MACROD2: variants seen among roughly 807,000 people sequenced by gnomAD.
MACROD2 encodes the protein mono-ADP ribosylhydrolase 2.
MACROD2 carries 36 observed loss-of-function variants against 70.4 expected under a neutral mutation model. That is an observed-to-expected ratio of 0.51 (90% confidence interval 0.39 to 0.68). The LOEUF (loss-of-function observed/expected upper bound fraction) is 0.68, where lower values mean the gene tolerates loss of function less well. MACROD2 is among the 30% of genes least tolerant of loss of function. The probability of loss-of-function intolerance (pLI) is 0.00; values close to 1 mark genes in which losing one functional copy is unlikely to be tolerated. For missense variants in MACROD2, 496 were observed against 538.4 expected, an observed-to-expected ratio of 0.92 and a Z score of 0.78; for synonymous variants, 172 against 178.8, an observed-to-expected ratio of 0.96 and a Z score of 0.30.
chr20:15,559,545 ACC>A (rs1386805909), intron 8 of MACROD2, among the ~76,000 whole-genome samples: 2 of 152,198 alleles, frequency 1.3e-5, no homozygotes, highest in Non-Finnish European at 2.9e-5. Context: ...ACTTCTGTCA[ACC>A]CTTGGAAGAA....
intron 8 of MACROD2, among the ~76,000 whole-genome samples, chr20:15,760,150 G>A (rs1347909516): frequency 1.3e-5 from 2 of 152,124 alleles, no homozygotes; most frequent in Non-Finnish European, 2.9e-5. Flanking sequence ...GGACCTCAGG[G>A]TCATATCTGA....
intron 4 of MACROD2, among the ~76,000 whole-genome samples, chr20:14,609,398 A>G (rs1005052884): frequency 4.6e-5 from 7 of 152,026 alleles, no homozygotes; most frequent in African/African-American, 1.7e-4. Context: ...CCACTTACTG[A>G]GGAGGGGAAG....
intron 5 of MACROD2, among the ~76,000 whole-genome samples, chr20:14,896,796 C>T (rs2073835472): frequency 6.6e-6 from 1 of 152,092 alleles, no homozygotes; most frequent in Non-Finnish European, 1.5e-5. Flanking sequence ...AATGCCAGTC[C>T]ACATGATGAA....
intron 3 of MACROD2, among the ~76,000 whole-genome samples, chr20:14,414,525 T>G: frequency 6.6e-6 from 1 of 152,232 alleles, no homozygotes; most frequent in East Asian, 1.9e-4. Flanking sequence ...CATTCCCAAT[T>G]ATGTAGTGCA....
intron 5 of MACROD2, among the ~76,000 whole-genome samples, chr20:15,209,918 T>C (rs867508434): frequency 7.9e-5 from 12 of 152,218 alleles, no homozygotes; most frequent in Admixed American, 2.6e-4. Flanking sequence ...GCCAGGATGG[T>C]TCTCCATAGA....
chr20:14,431,437 T>C (rs1214581348), intron 3 of MACROD2, among the ~76,000 whole-genome samples: 1 of 152,158 alleles, frequency 6.6e-6, no homozygotes, highest in African/African-American at 2.4e-5. Context: ...TTAAAACTAC[T>C]AAAAACACAG....
chr20:15,615,613 C>A (rs1397025311), intron 8 of MACROD2, among the ~76,000 whole-genome samples: 1 of 152,098 alleles, frequency 6.6e-6, no homozygotes, highest in African/African-American at 2.4e-5. Flanking sequence ...GCAGAAGAGG[C>A]CAGCCAAGAA....
chr20:15,734,364 C>A (rs2050989721), intron 8 of MACROD2, among the ~76,000 whole-genome samples: 1 of 152,088 alleles, frequency 6.6e-6, no homozygotes, highest in African/African-American at 2.4e-5. Flanking sequence ...ACAAAAGCCA[C>A]CATAACTGAT....
At chr20:14,309,794 A>G (rs1172896323) in intron 3 of MACROD2, among the ~76,000 whole-genome samples, 3 of 152,172 alleles carry the variant, frequency 2.0e-5, no homozygotes, top group Non-Finnish European at 4.4e-5. Flanking sequence ...CTTCTTGACC[A>G]CGTTGGCTAA....
chr20:14,332,184 T>G (rs2082854930), intron 3 of MACROD2, among the ~76,000 whole-genome samples: 1 of 152,124 alleles, frequency 6.6e-6, no homozygotes, highest in African/African-American at 2.4e-5. Flanking sequence ...TCAGTTTATT[T>G]TTACAAATAA....
intron 3 of MACROD2, among the ~76,000 whole-genome samples, chr20:14,217,190 G>A (rs1252282576): frequency 6.6e-5 from 10 of 152,018 alleles, no homozygotes; most frequent in South Asian, 2.1e-4. Flanking sequence ...CTTGTATGCC[G>A]ATTTCACTGA....
At chr20:14,197,637 G>T (rs530394751) in intron 3 of MACROD2, among the ~76,000 whole-genome samples, 1 of 152,004 alleles carries the variant, frequency 6.6e-6, no homozygotes, top group African/African-American at 2.4e-5. Context: ...TGTGGTGGTG[G>T]GCGCCTGTAA....
intron 3 of MACROD2, among the ~76,000 whole-genome samples, chr20:14,441,248 A>G (rs915075): frequency 1.3e-5 from 2 of 152,078 alleles, no homozygotes; most frequent in Admixed American, 6.5e-5. Flanking sequence ...AAAGAAGTCT[A>G]GTCCAGCCTC....
At chr20:14,327,228 G>C in intron 3 of MACROD2, 1 of 1,613,702 alleles carries the variant, frequency 6.2e-7, no homozygotes, top group Non-Finnish European at 8.5e-7. Context: ...CATCTAAACT[G>C]TTGTGGTATA....
chr20:15,356,899 C>T (rs1326331442), intron 6 of MACROD2, among the ~76,000 whole-genome samples: 1 of 152,158 alleles, frequency 6.6e-6, no homozygotes, highest in Non-Finnish European at 1.5e-5. Flanking sequence ...TGAAGAAGAA[C>T]ATGTTATGGA....
At chr20:14,005,602 CTT>C (rs928210359) in intron 2 of MACROD2, among the ~76,000 whole-genome samples, 9 of 144,782 alleles carry the variant, frequency 6.2e-5, no homozygotes, top group Admixed American at 7.0e-5. Context: ...TTTCTCCAAA[CTT>C]TTTTTTTTTT....
chr20:15,043,528 C>A (rs1600990942), intron 5 of MACROD2, among the ~76,000 whole-genome samples: 1 of 152,320 alleles, frequency 6.6e-6, no homozygotes, highest in Non-Finnish European at 1.5e-5. Context: ...TGAGTGGCTT[C>A]TTTTGAAAGA....
At chr20:15,515,057 T>C (rs1255003951) in intron 8 of MACROD2, among the ~76,000 whole-genome samples, 2 of 152,222 alleles carry the variant, frequency 1.3e-5, no homozygotes, top group Non-Finnish European at 2.9e-5. Context: ...GAAACCAAGA[T>C]GGCAGGTCCA....
At chr20:15,152,020 G>A (rs2076273669) in intron 5 of MACROD2, among the ~76,000 whole-genome samples, 1 of 151,880 alleles carries the variant, frequency 6.6e-6, no homozygotes, top group South Asian at 2.1e-4. Context: ...TTTGGGATGA[G>A]TTGCATTGGG....
Sources: gnomAD v4.1 joint callset for allele counts (sites outside exome capture counted in the v4.1 genomes callset) on GRCh38, gnomAD v4.1.1 for gene constraint, MANE v1.5 for transcripts, NCBI Gene and HGNC (gene_info 2026-07-23, HGNC 2026-07-21) for gene names.